Variants in LETM1 observed in about 807,000 individuals in gnomAD.
The protein encoded by LETM1 is leucine zipper and EF-hand containing transmembrane protein 1.
A neutral mutation model predicts 74.5 loss-of-function variants in LETM1; 50 were observed. The ratio of observed to expected loss-of-function variants is 0.67; its 90% confidence interval spans 0.53 to 0.85. The LOEUF is 0.85. Among genes scored for constraint, LETM1 ranks in the 40% least tolerant of loss-of-function variants. LETM1 has a pLI of 0.00. For synonymous variants in LETM1, 446 were observed against 407.1 expected, an observed-to-expected ratio of 1.10 and a Z score of -1.15; for missense variants, 824 against 967.8, an observed-to-expected ratio of 0.85 and a Z score of 1.97.
At chr4:1,853,311 G>A (rs1437714673) in intron 1 of LETM1, among the ~76,000 whole-genome samples, 2 of 152,234 alleles carry the variant, frequency 1.3e-5, no homozygotes, top group Non-Finnish European at 2.9e-5. Flanking sequence ...TCCCAAAAAG[G>A]ACAAATGGGG....
intron 13 of LETM1, 30 bp downstream of exon 13, chr4:1,815,634 A>G: frequency 6.2e-7 from 1 of 1,612,076 alleles, no homozygotes; most frequent in Non-Finnish European, 8.5e-7. Context: ...CAGGTGGCGG[A>G]TGGCCTGCGT....
intron 10 of LETM1, among the ~76,000 whole-genome samples, chr4:1,821,321 T>G (rs537300068): frequency 2.0e-5 from 3 of 151,486 alleles, no homozygotes; most frequent in Admixed American, 6.6e-5. Context: ...CTCGATCTCC[T>G]GACCCCGTGA....
chr4:1,815,700 G>A lies in LETM1; in HGVS notation c.2034C>T (p.Asn678=). 1 of 1,614,254 alleles carries A rather than the reference G, an allele frequency of 6.2e-7. No homozygotes were observed. Among genetic ancestry groups the A allele is most frequent in the Non-Finnish European group, 8.5e-7 (1 of 1,180,036 alleles). The change falls in exon 13 of 14, where the codon AAC becomes AAT. Residue 678 remains asparagine, a synonymous_variant. Transcript: ENST00000302787. ...CGTCGATGTTGACCTTGCCATCCTT[G>A]TTTTCATCCAGTGCTGCGGCCAGGC... ...LTSLAAALDE[N]KDGKVNIDDL... is the part of the protein sequence containing the mutation.
chr4:1,843,386 G>A (rs1029724606), intron 2 of LETM1, among the ~76,000 whole-genome samples: 5 of 152,210 alleles, frequency 3.3e-5, no homozygotes, highest in Non-Finnish European at 5.9e-5. Flanking sequence ...GGGGATCCTC[G>A]GCTTGCAGCC....
Position 1,834,259 on chromosome 4 carries a change from A to T in LETM1, c.876+586T>A. The T allele has an allele frequency of 3.0e-6, 1 of 328,384 alleles. No homozygotes were observed. Among genetic ancestry groups the T allele is most frequent in the Non-Finnish European group, 4.4e-6 (1 of 229,818 alleles). The allele number at this position is 328,384 out of a possible 1,614,324, so 20.3% of individuals were successfully genotyped here. On this transcript the variant is annotated intron_variant, in intron 5 of 13. Transcript: ENST00000302787. The surrounding 1 kb of genome is among the most constrained non-coding windows in gnomAD (Gnocchi z 5.0). The stretch of plus-strand genomic sequence containing the variant: ...CCTGCACTTCAGACACATCCTTCTC[A>T]CTCCAAAGTGGCACAAGTCCCTCAA...
At chr4:1,838,412 AAAGG>A (rs1300417245) in intron 3 of LETM1, among the ~76,000 whole-genome samples, 1 of 152,048 alleles carries the variant, frequency 6.6e-6, no homozygotes, top group Non-Finnish European at 1.5e-5. Context: ...TTATCTTTAA[AAAGG>A]AAGGCCTCCC....
intron 6 of LETM1, among the ~76,000 whole-genome samples, chr4:1,826,971 G>T (rs951574858): frequency 1.3e-5 from 2 of 151,976 alleles, no homozygotes; most frequent in Admixed American, 1.3e-4. Context: ...CTCAGGTGTC[G>T]CCTCCACTCG....
intron 1 of LETM1, among the ~76,000 whole-genome samples, chr4:1,850,926 G>A (rs1260866233): frequency 4.9e-5 from 7 of 142,852 alleles, no homozygotes; most frequent in Admixed American, 1.4e-4. Flanking sequence ...CTGAGATCGC[G>A]CCATTGCACT....
At chr4:1,835,832 C>T (rs114153489) in intron 4 of LETM1, among the ~76,000 whole-genome samples, 4 of 152,212 alleles carry the variant, frequency 2.6e-5, no homozygotes, top group African/African-American at 9.6e-5. Flanking sequence ...CATAATAACA[C>T]TTTGGGAGGT....
chr4:1,834,346 G>A lies in LETM1; in HGVS notation c.876+499C>T, dbSNP rs1577319996. ...TCAGGGATCTCGGTCCGTGGCAGCT[G>A]CCGTCTCCCCATCCTCACCTCACTC... On this transcript the variant is annotated intron_variant, in intron 5 of 13. Transcript: ENST00000302787. The surrounding 1 kb of genome is among the most constrained non-coding windows in gnomAD (Gnocchi z 5.0). 8.2e-6 allele frequency: 8 copies of A among 976,498 alleles called. No homozygotes were observed. Among genetic ancestry groups the A allele is most frequent in the Non-Finnish European group, 9.7e-6 (8 of 821,506 alleles). 60.5% of individuals were successfully genotyped at this position (976,498 alleles called of 1,614,324 possible).
chr4:1,819,131 C>T (rs1010951188), intron 11 of LETM1, among the ~76,000 whole-genome samples: 2 of 151,486 alleles, frequency 1.3e-5, no homozygotes, highest in African/African-American at 4.9e-5. Context: ...CAGAACGGCA[C>T]ACAGCCACAT....
chr4:1,850,114 A>G (rs1713016096), intron 1 of LETM1, among the ~76,000 whole-genome samples: 1 of 152,084 alleles, frequency 6.6e-6, no homozygotes, highest in Non-Finnish European at 1.5e-5. Context: ...AGATCGCACC[A>G]TTGCACTCCA....
At chr4:1,824,809 G>A (rs1190111329) in intron 7 of LETM1, among the ~76,000 whole-genome samples, 1 of 152,252 alleles carries the variant, frequency 6.6e-6, no homozygotes, top group Non-Finnish European at 1.5e-5. Flanking sequence ...CAGCACCCAT[G>A]CCAGACACAG....
intron 7 of LETM1, 106 bp downstream of exon 7, chr4:1,825,458 C>T (rs970021605): frequency 4.5e-5 from 64 of 1,428,268 alleles, no homozygotes; most frequent in Admixed American, 8.1e-5. Flanking sequence ...ACAGTGTCGC[C>T]TCGCCAGGCC....
intron 6 of LETM1, among the ~76,000 whole-genome samples, chr4:1,828,278 T>C (rs1252324906): frequency 6.4e-5 from 5 of 78,470 alleles, no homozygotes; most frequent in African/African-American, 1.4e-4. Context: ...GGCGGGGGGC[T>C]GACCCCCCCA....
At chr4:1,835,428 G>A (rs1478637170) in intron 4 of LETM1, among the ~76,000 whole-genome samples, 9 of 150,728 alleles carry the variant, frequency 6.0e-5, no homozygotes, top group South Asian at 2.1e-4. Context: ...GTGACAGAGC[G>A]AAACTCCGTC....
intron 2 of LETM1, among the ~76,000 whole-genome samples, chr4:1,848,062 T>C (rs941080369): frequency 3.3e-5 from 5 of 151,844 alleles, no homozygotes; most frequent in Admixed American, 6.6e-5. Context: ...GAAAACCAAT[T>C]TCTTTTCTCA....
At chr4:1,851,758 C>A (rs928179431) in intron 1 of LETM1, among the ~76,000 whole-genome samples, 1 of 152,228 alleles carries the variant, frequency 6.6e-6, no homozygotes, top group African/African-American at 2.4e-5. Flanking sequence ...CCACCCCTGC[C>A]CCGGCCAGCT....
At chr4:1,828,546 C>T (rs1462593960) in intron 6 of LETM1, among the ~76,000 whole-genome samples, 2 of 101,644 alleles carry the variant, frequency 2.0e-5, no homozygotes, top group Admixed American at 1.8e-4. Flanking sequence ...GGGCGGCTGG[C>T]CGGGCGGGGG....
Sources: allele counts gnomAD v4.1 joint callset (sites outside exome capture counted in the v4.1 genomes callset), GRCh38; gene constraint gnomAD v4.1.1; non-coding constraint Gnocchi (gnomAD v3.1); transcripts MANE v1.5; gene names NCBI Gene and HGNC (gene_info 2026-07-23, HGNC 2026-07-21).